Variants in CTNNA2 observed in about 807,000 individuals in gnomAD.
The protein encoded by CTNNA2 is catenin alpha 2.
Under a neutral mutation model 101.0 loss-of-function variants are expected in CTNNA2, and 42 were observed. That is an observed-to-expected ratio of 0.42 (90% CI 0.32 to 0.54). The LOEUF is 0.54. Ranked by LOEUF, CTNNA2 falls within the 20% of genes least tolerant of loss-of-function variation. The pLI, the probability that CTNNA2 is intolerant of heterozygous loss-of-function variation, is 0.14. For missense variants in CTNNA2, 871 were observed against 1,223.1 expected (o/e 0.71, Z 4.29); for synonymous variants, 450 against 456.4 (o/e 0.99, Z 0.18).
At chr2:80,282,351 T>G in intron 7 of CTNNA2, among the ~76,000 whole-genome samples, 1 of 152,170 alleles carries the variant, frequency 6.6e-6, no homozygotes, top group East Asian at 1.9e-4. Flanking sequence ...ACATTTTTCT[T>G]TAGACATGAT....
At chr2:79,675,431 A>G (rs1683117924) in intron 2 of CTNNA2, among the ~76,000 whole-genome samples, 1 of 152,176 alleles carries the variant, frequency 6.6e-6, no homozygotes, top group East Asian at 1.9e-4. Context: ...GTCTTCTAAG[A>G]AAGATGTATG....
chr2:80,215,643 C>T (rs1258294234), intron 7 of CTNNA2, among the ~76,000 whole-genome samples: 1 of 152,166 alleles, frequency 6.6e-6, no homozygotes, highest in African/African-American at 2.4e-5. Context: ...AGAGGGGCAC[C>T]TGGCTGTATG....
At chr2:80,294,064 TACCTCATAATG>T (rs1675504938) in intron 7 of CTNNA2, among the ~76,000 whole-genome samples, 1 of 152,136 alleles carries the variant, frequency 6.6e-6, no homozygotes, top group Admixed American at 6.5e-5. Flanking sequence ...GGACTAGCTT[TACCTCATAATG>T]ACACAACCAA....
intron 7 of CTNNA2, among the ~76,000 whole-genome samples, chr2:80,334,786 T>C (rs1671630266): frequency 6.6e-6 from 1 of 152,214 alleles, no homozygotes; most frequent in Non-Finnish European, 1.5e-5. Flanking sequence ...TGTTTATGTG[T>C]CCAACTAGCA....
rs187275363 is a variant in CTNNA2 at position 79,826,455 on chromosome 2, G to C, written c.299-31558G>C. Among the ~76,000 whole-genome samples the C allele has an allele frequency of 2.6e-5, 4 of 152,322 alleles. No homozygotes were observed. The East Asian group carries it at 7.7e-4, about 29-fold the overall frequency. On this transcript the variant is annotated intron_variant, in intron 3 of 18. Coordinates refer to ENST00000402739, the MANE Select transcript of CTNNA2 (RefSeq NM_001282597.3). ...TTCCACAATTTTAGTAATTGGAGTA[G>C]AGGGCAGTTATAGGGATCTAAGGTA...
intron 7 of CTNNA2, among the ~76,000 whole-genome samples, chr2:80,124,302 C>A (rs551306910): frequency 2.2e-4 from 34 of 152,202 alleles, no homozygotes; most frequent in African/African-American, 8.2e-4. Context: ...CAGGTGCCAT[C>A]TTTGACTCAG....
At chr2:79,821,801 T>C (rs898723358) in intron 3 of CTNNA2, among the ~76,000 whole-genome samples, 3 of 152,174 alleles carry the variant, frequency 2.0e-5, no homozygotes, top group Non-Finnish European at 4.4e-5. Flanking sequence ...GTTGGAATGT[T>C]TCTTAACTGG....
chr2:79,393,312 A>T (rs1418925011), intron 4 of CTNNA2, among the ~76,000 whole-genome samples: 1 of 152,202 alleles, frequency 6.6e-6, no homozygotes, highest in African/African-American at 2.4e-5. Context: ...ACAGCTTGGT[A>T]AGCAAAACCA....
rs115090305 is a variant in CTNNA2, at chr2:79,360,056, T to C, written c.-317-13775T>C. Among the ~76,000 whole-genome samples, 577 of 152,254 alleles carry C rather than the reference T, an allele frequency of 3.8e-3. 8 individuals carry two copies. Among genetic ancestry groups the C allele is most frequent in the African/African-American group, 0.013 (526 of 41,558 alleles). On this transcript the variant is annotated intron_variant, in intron 3 of 21. Coordinates refer to the CTNNA2 transcript ENST00000466387. ...TAAAAACTATATAAACAAAATCTCT[T>C]TTGAGTACTTAGTAATTTTTAAGAG...
In CTNNA2 at chr2:79,200,812, C is replaced by T. The variant is rs551078888; in HGVS notation, c.-406+2736C>T. ...TTGCATTAAGCTAATCCATTGAGCTCCTTGAAAAAAAAAACTTTTTAAATC... is the reference window on the plus strand; with the variant it reads ...TTGCATTAAGCTAATCCATTGAGCTTCTTGAAAAAAAAAACTTTTTAAATC... On this transcript the variant is annotated intron_variant, in intron 2 of 21. Transcript: ENST00000466387. 1.6e-4 allele frequency among the ~76,000 whole-genome samples: 25 copies of T among 151,872 alleles called. 1 individual carries two copies. Among genetic ancestry groups the T allele is most frequent in the Middle Eastern group, 6.8e-3 (2 of 294 alleles).
intron 4 of CTNNA2, among the ~76,000 whole-genome samples, chr2:79,400,589 A>T (rs2104480432): frequency 6.6e-6 from 1 of 152,144 alleles, no homozygotes; most frequent in South Asian, 2.1e-4. Flanking sequence ...AATTGAGAGT[A>T]TCCAGTCTGA....
At chr2:79,798,609 A>G (rs1181889614) in intron 3 of CTNNA2, among the ~76,000 whole-genome samples, 2 of 148,288 alleles carry the variant, frequency 1.3e-5, no homozygotes, top group Non-Finnish European at 3.0e-5. Context: ...TTGAAAGAAT[A>G]GCAAGTTAAT....
chr2:79,703,997 A>C (rs1450238771), intron 2 of CTNNA2, among the ~76,000 whole-genome samples: 1 of 152,148 alleles, frequency 6.6e-6, no homozygotes, highest in Non-Finnish European at 1.5e-5. Flanking sequence ...AGTTATTATT[A>C]CTAGAAAGTT....
intron 2 of CTNNA2, among the ~76,000 whole-genome samples, chr2:79,300,755 G>A (rs990638545): frequency 6.6e-6 from 1 of 152,012 alleles, no homozygotes; most frequent in African/African-American, 2.4e-5. Context: ...CTTCTATTTG[G>A]TCTTTCTGAT....
intron 1 of CTNNA2, chr2:79,185,614 T>A (rs1384522756): frequency 6.6e-6 from 1 of 152,218 alleles, no homozygotes; most frequent in Non-Finnish European, 1.5e-5. Flanking sequence ...TTACAGCCTA[T>A]CATATCTAGT....
intron 15 of CTNNA2, among the ~76,000 whole-genome samples, chr2:80,596,188 G>A (rs910677568): frequency 2.7e-5 from 4 of 146,510 alleles, no homozygotes; most frequent in African/African-American, 1.0e-4. Context: ...GTGTAGGAAT[G>A]CCTGTGATTT....
intron 7 of CTNNA2, among the ~76,000 whole-genome samples, chr2:80,195,556 C>A (rs1231353041): frequency 6.6e-6 from 1 of 151,246 alleles, no homozygotes; most frequent in Non-Finnish European, 1.5e-5. Flanking sequence ...TTAATGACTT[C>A]TAGAGATAAT....
intron 6 of CTNNA2, among the ~76,000 whole-genome samples, chr2:79,884,849 C>T (rs367601656): frequency 2.4e-4 from 36 of 150,984 alleles, no homozygotes; most frequent in Admixed American, 1.5e-3. Context: ...AGCAGTGATG[C>T]GACATCTGCA....
intron 1 of CTNNA2, among the ~76,000 whole-genome samples, chr2:79,602,834 A>G (rs376312531): frequency 1.3e-5 from 2 of 152,294 alleles, no homozygotes; most frequent in East Asian, 3.9e-4. Flanking sequence ...AGGAATTTAT[A>G]AAATGTTTGG....
Sources: allele counts gnomAD v4.1 joint callset (sites outside exome capture counted in the v4.1 genomes callset), GRCh38; gene constraint gnomAD v4.1.1; transcripts MANE v1.5; gene names NCBI Gene and HGNC (gene_info 2026-07-23, HGNC 2026-07-21).